Variants in MACF1 observed in about 807,000 individuals in gnomAD.
The protein encoded by MACF1 is microtubule-actin cross-linking factor 1.
A neutral mutation model predicts 854.8 loss-of-function variants in MACF1; 193 were observed. That is an observed-to-expected ratio of 0.23 (90% CI 0.20 to 0.25). The LOEUF (loss-of-function observed/expected upper bound fraction) is 0.25, where lower values mean the gene tolerates loss of function less well. MACF1 is among the 10% of genes least tolerant of loss of function. The pLI, the probability that MACF1 is intolerant of heterozygous loss-of-function variation, is 1.00. For synonymous variants in MACF1, 3,185 were observed against 3,226.7 expected (o/e 0.99, Z 0.44); for missense variants, 7,722 against 8,929.1 (o/e 0.86, Z 5.45).
intron 2 of MACF1, among the ~76,000 whole-genome samples, chr1:39,107,541 C>G (rs1254530209): frequency 1.3e-5 from 2 of 152,180 alleles, no homozygotes; most frequent in Non-Finnish European, 2.9e-5. Context: ...CTTCCCCCCA[C>G]TGCACCGTTC....
intron 14 of MACF1, 38 bp downstream of exon 14, chr1:39,285,796 T>C (rs1327227311): frequency 3.7e-6 from 6 of 1,607,774 alleles, no homozygotes; most frequent in Non-Finnish European, 5.1e-6. Context: ...GCTTGCTTGC[T>C]TACTGCTGAG....
In MACF1 at chr1:39,486,712, C is replaced by T. The variant is rs1391755379; in HGVS notation, c.*918C>T. On this transcript the variant is annotated 3_prime_UTR_variant, in exon 101 of 101. Transcript: ENST00000564288. ...TCTGAAAATGTGGACGTAAGACAAACACGTGCTCGTCCTTTAATGGAGTTC... is the reference window on the plus strand; with the variant it reads ...TCTGAAAATGTGGACGTAAGACAAATACGTGCTCGTCCTTTAATGGAGTTC... 6.6e-6 allele frequency: 1 copy of T among 152,648 alleles called. No individual in the cohort carries two copies. The highest frequency in any genetic ancestry group is 1.5e-5 in the Non-Finnish European group (1 of 68,040). 9.5% of individuals were successfully genotyped at this position (152,648 alleles called of 1,614,324 possible).
intron 79 of MACF1, 124 bp downstream of exon 79, chr1:39,443,698 A>G (rs1644165122): frequency 9.2e-7 from 1 of 1,090,810 alleles, no homozygotes; most frequent in Non-Finnish European, 1.3e-6. Flanking sequence ...TCAAACATAT[A>G]GTATAACCTT....
rs34930273 is a variant in MACF1 at position 39,307,901 on chromosome 1, C to CTTTTTTTTTTTTTTTTTTTTTTTTTTTTT, written c.2790-1648_2790-1647insTTTTTTTTTTTTTTTTTTTTTTTTTTTTT. ...TTATTTCTCTTTTCTTTCTTTCTTTCTTTTTTTTTTTTTTTTTTTTTGAGA... is the reference window on the plus strand; with the variant it reads ...TTATTTCTCTTTTCTTTCTTTCTTTCTTTTTTTTTTTTTTTTTTTTTTTTTTTTTTTTTTTTTTTTTTTTTTTTTTGAGA... On this transcript the variant is annotated intron_variant, in intron 23 of 100. Coordinates refer to ENST00000564288, the MANE Select transcript of MACF1 (RefSeq NM_001394062.1). 2.8e-4 allele frequency among the ~76,000 whole-genome samples: 14 copies of CTTTTTTTTTTTTTTTTTTTTTTTTTTTTT among 50,392 alleles called. 1 individual carries two copies. Among genetic ancestry groups the CTTTTTTTTTTTTTTTTTTTTTTTTTTTTT allele is most frequent in the Non-Finnish European group, 3.6e-4 (10 of 27,942 alleles). The allele number at this position is 50,392 out of a possible 152,430, so 33.1% of individuals were successfully genotyped here.
chr1:39,437,667 A>G (rs768785670), intron 70 of MACF1, 110 bp from the exon 71 acceptor site: 1 of 939,540 alleles, frequency 1.1e-6, no homozygotes, highest in South Asian at 1.3e-5. Flanking sequence ...TAAACTGAGC[A>G]CAGGTTATCC....
intron 2 of MACF1, among the ~76,000 whole-genome samples, chr1:39,247,603 G>C (rs1418611798): frequency 4.6e-5 from 7 of 152,108 alleles, no homozygotes; most frequent in Admixed American, 4.6e-4. Flanking sequence ...TATATTAGTA[G>C]CTTGAAATTG....
At chr1:39,320,687 G>T (rs1299444757) in intron 31 of MACF1, among the ~76,000 whole-genome samples, 1 of 152,132 alleles carries the variant, frequency 6.6e-6, no homozygotes, top group Non-Finnish European at 1.5e-5. Flanking sequence ...ATGACTTGAG[G>T]CCAGGTGTGG....
At chr1:39,140,717 C>G (rs1643321067) in intron 2 of MACF1, among the ~76,000 whole-genome samples, 1 of 152,000 alleles carries the variant, frequency 6.6e-6, no homozygotes, top group South Asian at 2.1e-4. Flanking sequence ...GAGATCAAGA[C>G]TATCCTGGCC....
intron 2 of MACF1, among the ~76,000 whole-genome samples, chr1:39,186,212 C>G (rs368092756): frequency 0.048 from 3,838 of 80,014 alleles, 239 homozygotes; most frequent in African/African-American, 0.19. Flanking sequence ...CTCTCTCTCT[C>G]TCTGTGTGTG....
chr1:39,281,583 C>T (rs1478895636), intron 6 of MACF1, among the ~76,000 whole-genome samples: 1 of 152,008 alleles, frequency 6.6e-6, no homozygotes, highest in African/African-American at 2.4e-5. Flanking sequence ...CTTGATCTCT[C>T]GGCTTCAAGT....
rs1448391313 is a variant in MACF1, at chr1:39,332,362, T to C, written c.5774T>C (p.Val1925Ala). The change falls in exon 37 of 101, where the codon GTG becomes GCG. Residue 1925 changes from valine (V) to alanine (A), a missense_variant. Coordinates refer to ENST00000564288, the MANE Select transcript of MACF1 (RefSeq NM_001394062.1). The part of the protein sequence containing the change: ...NNLKSICIPD[V>A]MPHMQLADSA... ...TTAAAATCGATTTGTATACCTGATG[T>C]GATGCCCCACATGCAACTAGCAGAC... 3.1e-6 allele frequency: 5 copies of C among 1,613,956 alleles called. No individual in the cohort carries two copies. In the African/African-American group the frequency reaches 6.7e-5, roughly 22 times the overall value.
intron 94 of MACF1, 73 bp downstream of exon 94, chr1:39,463,759 A>T: frequency 7.5e-7 from 1 of 1,326,160 alleles, no homozygotes; most frequent in Non-Finnish European, 1.1e-6. Context: ...TTTCCTCCTG[A>T]TGCTTAGAGG....
At chr1:39,431,253 A>G (rs910474700) in intron 66 of MACF1, among the ~76,000 whole-genome samples, 1 of 152,182 alleles carries the variant, frequency 6.6e-6, no homozygotes, top group Non-Finnish European at 1.5e-5. Flanking sequence ...GTTTGACATA[A>G]TTAACTCTCT....
chr1:39,347,442 T>C (rs1647078874), intron 41 of MACF1, among the ~76,000 whole-genome samples: 1 of 152,244 alleles, frequency 6.6e-6, no homozygotes, highest in Non-Finnish European at 1.5e-5. Flanking sequence ...TGTTGACATG[T>C]GTATACATAT....
At chr1:39,378,988 A>G (rs1057103838) in intron 53 of MACF1, among the ~76,000 whole-genome samples, 3 of 152,166 alleles carry the variant, frequency 2.0e-5, no homozygotes, top group Non-Finnish European at 4.4e-5. Context: ...ATTTTAAGGT[A>G]TACATCTGAG....
rs549533890 is a variant in MACF1 at position 39,475,818 on chromosome 1, TA to T, written c.21959-3978del. Among the ~76,000 whole-genome samples the T allele has an allele frequency of 2.2e-3, 341 of 152,128 alleles. 1 individual carries two copies. The highest frequency in any genetic ancestry group is 0.011 in the South Asian group (55 of 4,826). On this transcript the variant is annotated intron_variant, in intron 97 of 100. Transcript: ENST00000564288. ...ATATATTTGGAGTTGGGTGTGACTA[TA>T]ATGGTAGCACTGAAGCCTCAGTGGA...
At chr1:39,178,800 G>A (rs1459960358) in intron 2 of MACF1, among the ~76,000 whole-genome samples, 1 of 152,202 alleles carries the variant, frequency 6.6e-6, no homozygotes, top group African/African-American at 2.4e-5. Context: ...AGATTGGAAA[G>A]CCAAGAGATC....
At chr1:39,445,519 C>T (rs531029013) in intron 80 of MACF1, among the ~76,000 whole-genome samples, 4 of 152,242 alleles carry the variant, frequency 2.6e-5, no homozygotes, top group Middle Eastern at 3.4e-3. Flanking sequence ...ACACTAAAGA[C>T]GACCCTATCT....
In MACF1 at chr1:39,452,293, C is replaced by T. The variant is rs1644356022; in HGVS notation, c.20556C>T (p.Asp6852=). ...GQLQELSTRW[D]TVCKLSVSKQ... is the part of the protein sequence containing the mutation. ...TCCAGGAACTGAGCACTCGCTGGGA[C>T]ACTGTCTGTAAACTCTCTGTTTCCA... is the stretch of plus-strand genomic sequence containing the variant. Residue 6852 remains aspartate (D), a synonymous_variant, in exon 86 of 101, where the codon GAC becomes GAT. Coordinates refer to ENST00000564288, the MANE Select transcript of MACF1 (RefSeq NM_001394062.1). The T allele has an allele frequency of 6.2e-7, 1 of 1,614,072 alleles. No individual in the cohort carries two copies. The highest frequency in any genetic ancestry group is 8.5e-7 in the Non-Finnish European group (1 of 1,180,044).
Sources: gnomAD v4.1 joint callset for allele counts (sites outside exome capture counted in the v4.1 genomes callset) on GRCh38, gnomAD v4.1.1 for gene constraint, MANE v1.5 for transcripts, NCBI Gene and HGNC (gene_info 2026-07-23, HGNC 2026-07-21) for gene names.